PRKCE: variants seen among roughly 807,000 people sequenced by gnomAD.
PRKCE encodes protein kinase C epsilon type.
In PRKCE, 16 loss-of-function variants were observed where a neutral mutation model predicts 85.4. The ratio of observed to expected loss-of-function variants is 0.19; its 90% confidence interval spans 0.13 to 0.28. The LOEUF is 0.28. PRKCE is among the 10% of genes least tolerant of loss of function. PRKCE has a pLI of 1.00. For synonymous variants in PRKCE, 388 were observed against 371.5 expected, an observed-to-expected ratio of 1.04 and a Z score of -0.51; for missense variants, 573 against 975.2, an observed-to-expected ratio of 0.59 and a Z score of 5.49.
intron 2 of PRKCE, among the ~76,000 whole-genome samples, chr2:45,896,374 T>G (rs1158231745): frequency 6.6e-6 from 1 of 152,204 alleles, no homozygotes; most frequent in Non-Finnish European, 1.5e-5. Flanking sequence ...TCATGGACTT[T>G]ACGTGGCTGT....
At chr2:45,909,402 A>G (rs926216184) in intron 2 of PRKCE, among the ~76,000 whole-genome samples, 4 of 140,660 alleles carry the variant, frequency 2.8e-5, no homozygotes, top group Admixed American at 7.0e-5. Context: ...AGTACTGTGC[A>G]TCATAATCTC....
chr2:45,795,240 C>T (rs1307871622), intron 1 of PRKCE, among the ~76,000 whole-genome samples: 1 of 152,176 alleles, frequency 6.6e-6, no homozygotes, highest in Admixed American at 6.5e-5. Context: ...CTGCCCTCAA[C>T]TCTCCCACCA....
Position 45,928,401 on chromosome 2 carries a change from G to A in PRKCE, c.413-48028G>A, listed in dbSNP as rs539764392. Among the ~76,000 whole-genome samples, 7 of 152,284 alleles carry A rather than the reference G, an allele frequency of 4.6e-5. No individual in the cohort carries two copies. The East Asian group carries it at 1.3e-3, about 29-fold the overall frequency. The stretch of plus-strand genomic sequence containing the variant: ...TCATGCCTCAGCTTCCCGAGTAGCT[G>A]GGATTACAGGCACACACCACCATGC... On this transcript the variant is annotated intron_variant, in intron 2 of 14. Transcript: ENST00000306156.
At chr2:45,655,696 C>T (rs1269670821) in intron 1 of PRKCE, among the ~76,000 whole-genome samples, 3 of 151,766 alleles carry the variant, frequency 2.0e-5, no homozygotes, top group South Asian at 2.1e-4. Context: ...TCTGGACCTG[C>T]GGTGTGGTGT....
intron 11 of PRKCE, among the ~76,000 whole-genome samples, chr2:46,093,313 G>A (rs1057019075): frequency 6.6e-6 from 1 of 152,102 alleles, no homozygotes; most frequent in African/African-American, 2.4e-5. Flanking sequence ...TTTACACAAT[G>A]AGATAGTATA....
intron 1 of PRKCE, among the ~76,000 whole-genome samples, chr2:45,740,473 T>G (rs966686868): frequency 6.6e-6 from 1 of 152,098 alleles, no homozygotes; most frequent in African/African-American, 2.4e-5. Context: ...TCCTTTATGC[T>G]CTTTCCCCCT....
intron 12 of PRKCE, among the ~76,000 whole-genome samples, chr2:46,149,618 C>T (rs957383638): frequency 2.4e-4 from 36 of 151,154 alleles, no homozygotes; most frequent in Admixed American, 1.8e-3. Context: ...ATTTTAAAGG[C>T]ATACTGTAAA....
At chr2:46,163,628 A>G (rs1574641803) in intron 14 of PRKCE, among the ~76,000 whole-genome samples, 1 of 128,046 alleles carries the variant, frequency 7.8e-6, no homozygotes, top group Admixed American at 8.0e-5. Context: ...CTTCATCCCC[A>G]CAGAGGCCAC....
intron 2 of PRKCE, among the ~76,000 whole-genome samples, chr2:45,965,647 C>A (rs767942191): frequency 9.9e-5 from 15 of 152,148 alleles, no homozygotes; most frequent in African/African-American, 1.4e-4. Context: ...GAGGGAGTAG[C>A]CATGGGTTAT....
chr2:45,901,859 C>G (rs554128354), intron 2 of PRKCE, among the ~76,000 whole-genome samples: 67 of 152,312 alleles, frequency 4.4e-4, no homozygotes, highest in Non-Finnish European at 8.4e-4. Flanking sequence ...CTGTAAAACC[C>G]TGAAGTCCAG....
intron 2 of PRKCE, among the ~76,000 whole-genome samples, chr2:45,882,098 G>A (rs553022263): frequency 6.6e-6 from 1 of 152,230 alleles, no homozygotes; most frequent in South Asian, 2.1e-4. Flanking sequence ...TGAAATTAAG[G>A]TGTTATAATT....
At chr2:45,718,339 CTTTTTTTTTTTTT>C (rs10708579) in intron 1 of PRKCE, among the ~76,000 whole-genome samples, 3 of 83,344 alleles carry the variant, frequency 3.6e-5, no homozygotes, top group South Asian at 4.3e-4. Flanking sequence ...CAAATGCTTA[CTTTTTTTTTTTTT>C]TTTTTTTTTT....
chr2:45,878,418 G>A (rs1031712569), intron 2 of PRKCE, among the ~76,000 whole-genome samples: 8 of 152,182 alleles, frequency 5.3e-5, no homozygotes, highest in Non-Finnish European at 8.8e-5. Flanking sequence ...TCCTGAGTCT[G>A]GGCCTAGTAT....
chr2:45,792,709 A>G (rs1413390107), intron 1 of PRKCE, among the ~76,000 whole-genome samples: 1 of 152,200 alleles, frequency 6.6e-6, no homozygotes, highest in Non-Finnish European at 1.5e-5. Context: ...TCTTTCTTCA[A>G]GGACTGGTTG....
At chr2:45,813,949 CAT>C (rs1345038895) in intron 1 of PRKCE, among the ~76,000 whole-genome samples, 2 of 152,182 alleles carry the variant, frequency 1.3e-5, no homozygotes, top group African/African-American at 4.8e-5. Context: ...GCAGTAAATT[CAT>C]AAGTGAGTAT....
At chr2:45,961,241 C>A (rs1198379416) in intron 2 of PRKCE, among the ~76,000 whole-genome samples, 1 of 152,206 alleles carries the variant, frequency 6.6e-6, no homozygotes, top group East Asian at 1.9e-4. Flanking sequence ...TCCTTTCCCC[C>A]CCCGATTTGG....
At chr2:45,845,287 C>CT (rs1691688608) in intron 2 of PRKCE, 1 of 151,776 alleles carries the variant, frequency 6.6e-6, no homozygotes, top group Admixed American at 6.6e-5. Context: ...GAAACCACAA[C>CT]ATTTCATACC....
At chr2:46,148,194 G>A (rs1027672323) in intron 12 of PRKCE, among the ~76,000 whole-genome samples, 8 of 152,190 alleles carry the variant, frequency 5.3e-5, no homozygotes, top group African/African-American at 1.7e-4. Context: ...TTTGGTAATA[G>A]CATCATCAGG....
chr2:46,019,932 C>T (rs1274298102), intron 10 of PRKCE, among the ~76,000 whole-genome samples: 2 of 147,590 alleles, frequency 1.4e-5, no homozygotes, highest in Non-Finnish European at 3.0e-5. Flanking sequence ...TCACTACAAC[C>T]TCTGCCTCCC....
Sources: gnomAD v4.1 joint callset for allele counts (sites outside exome capture counted in the v4.1 genomes callset) on GRCh38, gnomAD v4.1.1 for gene constraint, MANE v1.5 for transcripts, NCBI Gene and HGNC (gene_info 2026-07-23, HGNC 2026-07-21) for gene names.